Variants in ANKS1B observed in about 807,000 individuals in gnomAD.
ANKS1B encodes ankyrin repeat and sterile alpha motif domain containing 1B.
In ANKS1B, 36 loss-of-function variants were observed where a neutral mutation model predicts 148.3. The ratio of observed to expected loss-of-function variants is 0.24; its 90% CI spans 0.19 to 0.32. The LOEUF is 0.32. Among genes scored for constraint, ANKS1B ranks in the 10% least tolerant of loss-of-function variants. The pLI, the probability that ANKS1B is intolerant of heterozygous loss-of-function variation, is 1.00. For synonymous variants in ANKS1B, 542 were observed against 560.8 expected, an observed-to-expected ratio of 0.97 and a Z score of 0.47; for missense variants, 1,157 against 1,542.6, an observed-to-expected ratio of 0.75 and a Z score of 4.19.
At chr12:98,967,884 G>A (rs748725501) in intron 17 of ANKS1B, among the ~76,000 whole-genome samples, 1 of 152,068 alleles carries the variant, frequency 6.6e-6, no homozygotes, top group African/African-American at 2.4e-5. Context: ...GACCCGGGGA[G>A]TACTGATTTA....
chr12:99,338,162 G>A (rs956410678), intron 12 of ANKS1B, among the ~76,000 whole-genome samples: 1 of 152,128 alleles, frequency 6.6e-6, no homozygotes, highest in Non-Finnish European at 1.5e-5. Flanking sequence ...TGCTGTCCGG[G>A]AACCACAGCC....
At chr12:98,992,737 T>C (rs577330651) in intron 17 of ANKS1B, among the ~76,000 whole-genome samples, 1 of 152,318 alleles carries the variant, frequency 6.6e-6, no homozygotes, top group East Asian at 1.9e-4. Context: ...CAAACTGAAA[T>C]ACTGCTTCAC....
intron 9 of ANKS1B, among the ~76,000 whole-genome samples, chr12:99,536,001 T>C (rs559731642): frequency 6.6e-6 from 1 of 152,280 alleles, no homozygotes; most frequent in Non-Finnish European, 1.5e-5. Context: ...CTAGAGGGCG[T>C]TAAATGGGTT....
At chr12:99,523,741 A>C (rs1242147050) in intron 9 of ANKS1B, among the ~76,000 whole-genome samples, 1 of 151,752 alleles carries the variant, frequency 6.6e-6, no homozygotes, top group Non-Finnish European at 1.5e-5. Flanking sequence ...TTTAGTAAAG[A>C]CAGGGTCTCA....
chr12:99,599,213 G>A (rs2097781148), intron 9 of ANKS1B, among the ~76,000 whole-genome samples: 1 of 151,880 alleles, frequency 6.6e-6, no homozygotes, highest in African/African-American at 2.4e-5. Context: ...ACATTTACTG[G>A]TACCAAGAAT....
chr12:99,330,776 C>T (rs2087369122), intron 12 of ANKS1B, among the ~76,000 whole-genome samples: 1 of 151,934 alleles, frequency 6.6e-6, no homozygotes, highest in African/African-American at 2.4e-5. Context: ...CCTTTGAAAT[C>T]AGTGGAAGCT....
chr12:99,212,319 AT>A (rs1398447302), intron 14 of ANKS1B, among the ~76,000 whole-genome samples: 2 of 150,882 alleles, frequency 1.3e-5, no homozygotes, highest in Non-Finnish European at 2.9e-5. Context: ...ATCTTCTATA[AT>A]TTTTTTCGTA....
At chr12:99,555,387 A>G (rs1277305100) in intron 9 of ANKS1B, among the ~76,000 whole-genome samples, 1 of 152,224 alleles carries the variant, frequency 6.6e-6, no homozygotes, top group Admixed American at 6.5e-5. Flanking sequence ...ACCTTCAAAC[A>G]GAAATAGTTT....
intron 9 of ANKS1B, among the ~76,000 whole-genome samples, chr12:99,582,864 C>G (rs2097584195): frequency 6.6e-6 from 1 of 152,030 alleles, no homozygotes; most frequent in South Asian, 2.1e-4. Flanking sequence ...GTATCAGACA[C>G]CAAAATAAAT....
intron 2 of ANKS1B, among the ~76,000 whole-genome samples, chr12:99,818,978 T>C (rs2082192653): frequency 6.6e-6 from 1 of 151,872 alleles, no homozygotes; most frequent in Admixed American, 6.6e-5. Flanking sequence ...AGATTCCCTG[T>C]AATTAAATCA....
intron 15 of ANKS1B, among the ~76,000 whole-genome samples, chr12:99,139,347 C>T (rs2069345768): frequency 6.9e-3 from 1 of 144 alleles, no homozygotes; most frequent in Non-Finnish European, 0.022. Context: ...CCTACCTTCC[C>T]TCCCTCCCTC....
At chr12:99,608,468 A>T (rs1026109607) in intron 9 of ANKS1B, among the ~76,000 whole-genome samples, 1 of 152,122 alleles carries the variant, frequency 6.6e-6, no homozygotes, top group African/African-American at 2.4e-5. Flanking sequence ...CACATCCCCT[A>T]TAGCAAAAAC....
At chr12:99,175,618 C>T (rs2078287588) in intron 14 of ANKS1B, among the ~76,000 whole-genome samples, 1 of 152,104 alleles carries the variant, frequency 6.6e-6, no homozygotes, top group South Asian at 2.1e-4. Flanking sequence ...TTTTTTTATA[C>T]TTACTCAACA....
intron 20 of ANKS1B, among the ~76,000 whole-genome samples, chr12:98,802,091 A>G (rs1323490359): frequency 6.6e-6 from 1 of 152,214 alleles, no homozygotes; most frequent in Non-Finnish European, 1.5e-5. Context: ...TTTGTTCTCA[A>G]GTGGACATAA....
At chr12:99,573,487 T>C (rs925905855) in intron 9 of ANKS1B, among the ~76,000 whole-genome samples, 1 of 152,092 alleles carries the variant, frequency 6.6e-6, no homozygotes, top group Admixed American at 6.6e-5. Context: ...GAATTTATAG[T>C]GATACTCACA....
At chr12:99,376,361 T>C (rs1412565431) in intron 12 of ANKS1B, among the ~76,000 whole-genome samples, 2 of 152,228 alleles carry the variant, frequency 1.3e-5, no homozygotes, top group East Asian at 1.9e-4. Flanking sequence ...CTGTTATCCA[T>C]AAACGAACAG....
chr12:99,236,302 G>C (rs934391780), intron 14 of ANKS1B, among the ~76,000 whole-genome samples: 2 of 152,182 alleles, frequency 1.3e-5, no homozygotes, highest in African/African-American at 2.4e-5. Flanking sequence ...TCACACTGCT[G>C]TAAAGATACT....
chr12:98,899,134 T>C (rs1008292102), intron 17 of ANKS1B, among the ~76,000 whole-genome samples: 5 of 152,210 alleles, frequency 3.3e-5, no homozygotes, highest in Admixed American at 2.0e-4. Context: ...AGTAGTAGTA[T>C]AATGCAATAG....
chr12:98,880,693 G>A (rs991448573), intron 17 of ANKS1B, among the ~76,000 whole-genome samples: 2 of 152,060 alleles, frequency 1.3e-5, no homozygotes, highest in South Asian at 2.1e-4. Context: ...GCGTGAACCC[G>A]GAAGGCGGAG....
Sources: allele counts gnomAD v4.1 joint callset (sites outside exome capture counted in the v4.1 genomes callset), GRCh38; gene constraint gnomAD v4.1.1; transcripts MANE v1.5; gene names NCBI Gene and HGNC (gene_info 2026-07-23, HGNC 2026-07-21).